TSC22D3: variants seen among roughly 807,000 people sequenced by gnomAD.
TSC22D3 encodes TSC22 domain family member 3.
A neutral mutation model predicts 11.1 loss-of-function variants in TSC22D3; 4 were observed. The ratio of observed to expected loss-of-function variants is 0.36; its 90% CI spans 0.18 to 0.83. The LOEUF (loss-of-function observed/expected upper bound fraction) is 0.83. TSC22D3 is among the 40% of genes least tolerant of loss of function. The pLI is 0.48. For synonymous variants in TSC22D3, 77 were observed against 70.3 expected, an observed-to-expected ratio of 1.10 and a Z score of -0.48; for missense variants, 118 against 159.4, an observed-to-expected ratio of 0.74 and a Z score of 1.40.
chrX:107,729,964 T>C (rs754061556), intron 1 of TSC22D3, among the ~76,000 whole-genome samples: 1 of 112,487 alleles, frequency 8.9e-6, no homozygotes, highest in African/African-American at 3.2e-5. Context: ...AAATTTTAAC[T>C]TAACAAGAGG....
intron 1 of TSC22D3, among the ~76,000 whole-genome samples, chrX:107,723,225 C>T (rs1376381317): frequency 9.0e-6 from 1 of 111,547 alleles, no homozygotes. Flanking sequence ...GTGGGATCTA[C>T]CACTCCTTTA....
chrX:107,718,022 G>T (rs1277115244), intron 1 of TSC22D3, among the ~76,000 whole-genome samples: 1 of 111,728 alleles, frequency 9.0e-6, no homozygotes, highest in Non-Finnish European at 1.9e-5. Context: ...ACGATCCCAG[G>T]AAAACACCTG....
intron 1 of TSC22D3, among the ~76,000 whole-genome samples, chrX:107,722,912 A>G (rs1927416616): frequency 8.9e-6 from 1 of 112,258 alleles, no homozygotes; most frequent in Admixed American, 9.4e-5. Flanking sequence ...AGGAAATTAA[A>G]AAAAGTAAAT....
Position 107,775,537 on chromosome X carries a change from A to G in TSC22D3, c.-118T>C. On this transcript the variant is annotated 5_prime_UTR_variant, in exon 1 of 3. Coordinates refer to ENST00000372383, the MANE Select transcript of TSC22D3 (RefSeq NM_198057.3). ...CTGGAAAAGACAAGCTGTGAGGAAA[A>G]GAGTTGGAAATTAGCGCCTAAAGCC... 1.7e-6 allele frequency: 1 copy of G among 581,456 alleles called. No individual in the cohort carries two copies. Among genetic ancestry groups the G allele is most frequent in the Non-Finnish European group, 2.6e-6 (1 of 383,970 alleles). The allele number at this position is 581,456 out of a possible 1,213,427, so 47.9% of individuals were successfully genotyped here.
chrX:107,758,956 C>A lies in TSC22D3; in HGVS notation c.320+16144G>T, dbSNP rs1301545954. Among the ~76,000 whole-genome samples, 7 of 111,322 alleles carry A rather than the reference C, an allele frequency of 6.3e-5. No individual in the cohort carries two copies. In the South Asian group the frequency reaches 1.2e-3, roughly 18 times the overall value. ...AGTGCAGTGGCGCAGTCTCGGCTCA[C>A]TGCAACCTCCGCCTCCGGGGTTCAA... is the stretch of plus-strand genomic sequence containing the variant. On this transcript the variant is annotated intron_variant, in intron 1 of 2. Transcript: ENST00000372383.
At chrX:107,724,753 T>C (rs1927530269) in intron 1 of TSC22D3, among the ~76,000 whole-genome samples, 1 of 112,240 alleles carries the variant, frequency 8.9e-6, no homozygotes, top group East Asian at 2.8e-4. Context: ...GGGGAACCAA[T>C]TTGAAGCCTC....
At position 107,775,430 on chromosome X, in the gene TSC22D3, T is replaced by G; in HGVS notation, c.-11A>C. On this transcript the variant is annotated 5_prime_UTR_variant, in exon 1 of 3. Transcript: ENST00000372383. ...CTTGGACTGGGCCATCTTCTCAGGCTCGGAGGTCGCCTGGCCTGCGAGGTC... is the reference window on the plus strand; with the variant it reads ...CTTGGACTGGGCCATCTTCTCAGGCGCGGAGGTCGCCTGGCCTGCGAGGTC... The G allele has an allele frequency of 8.6e-7, 1 of 1,157,546 alleles. No individual in the cohort carries two copies. Among genetic ancestry groups the G allele is most frequent in the Non-Finnish European group, 1.2e-6 (1 of 866,449 alleles).
chrX:107,770,424 A>C (rs1350533511), intron 1 of TSC22D3, among the ~76,000 whole-genome samples: 1 of 112,283 alleles, frequency 8.9e-6, no homozygotes, highest in African/African-American at 3.2e-5. Context: ...TTTTTCTTGA[A>C]AACCTGATCT....
At chrX:107,722,352 A>G (rs1927377114) in intron 1 of TSC22D3, 1 of 114,627 alleles carries the variant, frequency 8.7e-6, no homozygotes, top group Admixed American at 9.3e-5. Flanking sequence ...CCAAGGTCCC[A>G]TGTGAGCATC....
chrX:107,731,593 T>C (rs1051775608), intron 1 of TSC22D3, among the ~76,000 whole-genome samples: 4 of 111,814 alleles, frequency 3.6e-5, no homozygotes, highest in African/African-American at 6.5e-5. Flanking sequence ...GTGAAATGAA[T>C]GAATGGATGG....
At chrX:107,742,281 AAGAGAGAGAGAGAGAG>A (rs764889060) in intron 1 of TSC22D3, among the ~76,000 whole-genome samples, 14 of 56,814 alleles carry the variant, frequency 2.5e-4, no homozygotes, top group South Asian at 1.3e-3. Context: ...GAGAGAGAGA[AAGAGAGAGAGAGAGAG>A]AGAGAGAGAG....
At chrX:107,716,250 A>G in intron 1 of TSC22D3, 4 of 919,731 alleles carry the variant, frequency 4.3e-6, no homozygotes, top group Non-Finnish European at 5.5e-6. Context: ...CAATATGCAA[A>G]CAATGGGGCT....
At chrX:107,757,252 G>A (rs981676541) in intron 1 of TSC22D3, among the ~76,000 whole-genome samples, 2 of 111,965 alleles carry the variant, frequency 1.8e-5, no homozygotes, top group African/African-American at 6.5e-5. Flanking sequence ...AACATATTTT[G>A]TTGTTGTTGT....
rs151300632 is a variant in TSC22D3 at position 107,726,544 on chromosome X, C to A, written c.321-10594G>T. Among the ~76,000 whole-genome samples, 435 of 113,016 alleles carry A rather than the reference C, an allele frequency of 3.8e-3. 6 individuals are homozygous for A. The highest frequency in any genetic ancestry group is 0.013 in the African/African-American group (414 of 31,156). ...TTATGAATGTTAAGCACTGAAGCCA[C>A]CTTACCAAGGACAGGGTTCTTTTAA... On this transcript the variant is annotated intron_variant, in intron 1 of 2. Transcript: ENST00000372383.
chrX:107,730,078 G>A (rs779041833), intron 1 of TSC22D3, among the ~76,000 whole-genome samples: 1 of 112,579 alleles, frequency 8.9e-6, no homozygotes, highest in South Asian at 3.7e-4. Context: ...TTGCTTAGTG[G>A]GCACTGCGCT....
At chrX:107,751,705 G>A (rs1462900948) in intron 1 of TSC22D3, among the ~76,000 whole-genome samples, 1 of 112,269 alleles carries the variant, frequency 8.9e-6, no homozygotes, top group Non-Finnish European at 1.9e-5. Context: ...TGCTCTGCAG[G>A]CTAAACTGGG....
chrX:107,771,177 A>G (rs1253293089), intron 1 of TSC22D3, among the ~76,000 whole-genome samples: 1 of 112,843 alleles, frequency 8.9e-6, no homozygotes, highest in Non-Finnish European at 1.9e-5. Context: ...GTTCTTAACA[A>G]TTCTTTCTTC....
intron 1 of TSC22D3, among the ~76,000 whole-genome samples, chrX:107,724,725 G>A (rs1927527159): frequency 8.9e-6 from 1 of 112,574 alleles, no homozygotes; most frequent in Non-Finnish European, 1.9e-5. Flanking sequence ...AGCTTGAGGT[G>A]GTATTCAGAT....
At chrX:107,761,880 G>A (rs1256896201) in intron 1 of TSC22D3, among the ~76,000 whole-genome samples, 2 of 112,112 alleles carry the variant, frequency 1.8e-5, no homozygotes, top group Admixed American at 9.4e-5. Flanking sequence ...CACTCACAGC[G>A]GGGCACTTGC....
Sources: allele counts gnomAD v4.1 joint callset (sites outside exome capture counted in the v4.1 genomes callset), GRCh38; gene constraint gnomAD v4.1.1; transcripts MANE v1.5; gene names NCBI Gene and HGNC (gene_info 2026-07-23, HGNC 2026-07-21).